ARMH4: variants seen among roughly 807,000 people sequenced by gnomAD.
ARMH4 encodes the protein armadillo-like helical domain-containing protein 4.
In ARMH4, 49 loss-of-function variants were observed where a neutral mutation model predicts 61.9. The ratio of observed to expected loss-of-function variants is 0.79; its 90% confidence interval spans 0.63 to 1.00. The LOEUF (loss-of-function observed/expected upper bound fraction) is 1.00, where lower values mean the gene tolerates loss of function less well. ARMH4 is among the 50% of genes least tolerant of loss of function. The pLI is 0.00. For synonymous variants in ARMH4, 368 were observed against 341.5 expected (o/e 1.08, Z -0.85); for missense variants, 934 against 930.0 (o/e 1.00, Z -0.06).
At chr14:58,141,932 T>C (rs1028459590) in intron 1 of ARMH4, among the ~76,000 whole-genome samples, 1 of 152,176 alleles carries the variant, frequency 6.6e-6, no homozygotes. Context: ...AAATTAGCAA[T>C]CTTTATTGAA....
At chr14:58,012,080 C>A (rs1284820480) in intron 6 of ARMH4, 39 bp downstream of exon 6, 2 of 1,392,294 alleles carry the variant, frequency 1.4e-6, no homozygotes, top group East Asian at 2.4e-5. Flanking sequence ...AGCTATATGC[C>A]CCTAAAAATA....
chr14:58,076,882 T>C lies in ARMH4; in HGVS notation c.2089+19842A>G, dbSNP rs570334957. 1.1e-4 allele frequency among the ~76,000 whole-genome samples: 17 copies of C among 152,248 alleles called. No individual in the cohort carries two copies. The East Asian group carries it at 2.1e-3, about 19-fold the overall frequency. On this transcript the variant is annotated intron_variant, in intron 5 of 7. Coordinates refer to ENST00000267485, the MANE Select transcript of ARMH4 (RefSeq NM_001001872.4). Reference sequence around the variant, plus strand: ...ACCAGCCACCCTGCCAAGAATCCTATAGTTGAACCCAGACTCGGGCCCCTC... The same window carrying C: ...ACCAGCCACCCTGCCAAGAATCCTACAGTTGAACCCAGACTCGGGCCCCTC...
At chr14:58,044,918 T>C (rs1299538616) in intron 5 of ARMH4, among the ~76,000 whole-genome samples, 7 of 152,096 alleles carry the variant, frequency 4.6e-5, no homozygotes, top group Non-Finnish European at 1.0e-4. Context: ...TGAGATACCA[T>C]CTCACACCAG....
intron 6 of ARMH4, among the ~76,000 whole-genome samples, chr14:58,006,126 G>C (rs1882162161): frequency 6.6e-6 from 1 of 152,070 alleles, no homozygotes. Context: ...CTCAGGGAAA[G>C]GCCATTGTAC....
At chr14:58,100,000 T>C (rs1054818791) in intron 4 of ARMH4, among the ~76,000 whole-genome samples, 2 of 152,218 alleles carry the variant, frequency 1.3e-5, no homozygotes, top group African/African-American at 2.4e-5. Context: ...GCCTGGTGCA[T>C]ACTGGACAGG....
At chr14:58,067,224 T>C (rs916001151) in intron 5 of ARMH4, among the ~76,000 whole-genome samples, 1 of 152,098 alleles carries the variant, frequency 6.6e-6, no homozygotes, top group Non-Finnish European at 1.5e-5. Context: ...ACAGAGAGGG[T>C]TATTTGTCTG....
At chr14:58,119,742 C>T (rs983516287) in intron 4 of ARMH4, among the ~76,000 whole-genome samples, 1 of 152,140 alleles carries the variant, frequency 6.6e-6, no homozygotes, top group East Asian at 1.9e-4. Context: ...AGGCTGAGCA[C>T]CTGATTGCCT....
intron 5 of ARMH4, among the ~76,000 whole-genome samples, chr14:58,018,882 C>T (rs763150220): frequency 3.1e-5 from 4 of 127,304 alleles, no homozygotes; most frequent in Non-Finnish European, 5.2e-5. Context: ...CCAGTCAACA[C>T]ATGAATAAAG....
At position 58,005,198 on chromosome 14, in the gene ARMH4, AAC is replaced by A. The variant is rs1357658396; in HGVS notation, c.2122-18_2122-17del. 1.9e-6 allele frequency: 3 copies of A among 1,613,722 alleles called. No individual in the cohort carries two copies. Among genetic ancestry groups the A allele is most frequent in the East Asian group, 2.2e-5 (1 of 44,886 alleles). On this transcript the variant is annotated splice_polypyrimidine_tract_variant and intron_variant, in intron 6 of 7. Coordinates refer to ENST00000267485, the MANE Select transcript of ARMH4 (RefSeq NM_001001872.4). ...TGTAACCAGCCTGCATAGAAAAGGA[AAC>A]ACACATTAGGATGCTAAACAGAGCG...
At chr14:58,134,053 A>G (rs1322395446) in intron 2 of ARMH4, among the ~76,000 whole-genome samples, 2 of 152,256 alleles carry the variant, frequency 1.3e-5, no homozygotes, top group African/African-American at 4.8e-5. Context: ...GGGGATAATA[A>G]TAGTATCTAT....
chr14:58,019,215 G>A (rs1449005786), intron 5 of ARMH4, among the ~76,000 whole-genome samples: 1 of 152,086 alleles, frequency 6.6e-6, no homozygotes, highest in South Asian at 2.1e-4. Context: ...GCAATGTATT[G>A]TATTCTTGAA....
At chr14:58,075,797 C>T (rs974162643) in intron 5 of ARMH4, among the ~76,000 whole-genome samples, 10 of 152,122 alleles carry the variant, frequency 6.6e-5, no homozygotes, top group African/African-American at 2.2e-4. Flanking sequence ...AGCATCTTCA[C>T]AATCAAATAA....
At chr14:58,047,353 T>C (rs949967939) in intron 5 of ARMH4, among the ~76,000 whole-genome samples, 6 of 152,228 alleles carry the variant, frequency 3.9e-5, no homozygotes, top group African/African-American at 1.4e-4. Context: ...CCATCTGCCT[T>C]ATTGCTGGCA....
In ARMH4 at chr14:58,001,319, T is replaced by TAATACACA. The variant is rs1215177352; in HGVS notation, c.*3416_*3417insTGTGTATT. 1 of 152,228 alleles carries TAATACACA rather than the reference T, an allele frequency of 6.6e-6. No individual in the cohort carries two copies. Among genetic ancestry groups the TAATACACA allele is most frequent in the Non-Finnish European group, 1.5e-5 (1 of 68,034 alleles). 9.4% of individuals were successfully genotyped at this position (152,228 alleles called of 1,614,324 possible). On this transcript the variant is annotated 3_prime_UTR_variant, in exon 8 of 8. Transcript: ENST00000267485. ...TATCTTGGCTATTGTGAATAATACT[T>TAATACACA]ATAAGCTTATTGTGAATAATATGCT... is the stretch of plus-strand genomic sequence containing the variant.
chr14:58,058,961 C>T (rs1884439102), intron 5 of ARMH4, among the ~76,000 whole-genome samples: 1 of 152,134 alleles, frequency 6.6e-6, no homozygotes, highest in Non-Finnish European at 1.5e-5. Flanking sequence ...GAAGTAAGCA[C>T]TGGAATGTTC....
At chr14:58,039,073 A>G (rs1212766167) in intron 5 of ARMH4, among the ~76,000 whole-genome samples, 1 of 152,206 alleles carries the variant, frequency 6.6e-6, no homozygotes, top group Non-Finnish European at 1.5e-5. Flanking sequence ...ATGTCTGAGC[A>G]CAGCAGGGCA....
At chr14:58,044,234 C>A (rs1883841693) in intron 5 of ARMH4, among the ~76,000 whole-genome samples, 1 of 152,170 alleles carries the variant, frequency 6.6e-6, no homozygotes, top group Admixed American at 6.5e-5. Context: ...GCTACAGTAA[C>A]CAAAGCAGCA....
chr14:58,010,340 A>G (rs1882360856), intron 6 of ARMH4, among the ~76,000 whole-genome samples: 1 of 152,200 alleles, frequency 6.6e-6, no homozygotes, highest in Non-Finnish European at 1.5e-5. Flanking sequence ...AAACGAAGAT[A>G]TATGTACATA....
At chr14:58,018,868 A>C (rs1882711367) in intron 5 of ARMH4, among the ~76,000 whole-genome samples, 1 of 150,258 alleles carries the variant, frequency 6.7e-6, no homozygotes, top group Admixed American at 6.7e-5. Context: ...CACAGAATCA[A>C]GTGCCAGTCA....
Sources: gnomAD v4.1 joint callset for allele counts (sites outside exome capture counted in the v4.1 genomes callset) on GRCh38, gnomAD v4.1.1 for gene constraint, MANE v1.5 for transcripts, NCBI Gene and HGNC (gene_info 2026-07-23, HGNC 2026-07-21) for gene names.